Variants in PCNX2 observed in about 807,000 individuals in gnomAD.
PCNX2 encodes the protein pecanex 2.
Under a neutral mutation model 223.8 loss-of-function variants are expected in PCNX2, and 168 were observed. That is an observed-to-expected ratio of 0.75 (90% CI 0.66 to 0.85). The LOEUF is 0.85. Ranked by LOEUF, PCNX2 falls within the 40% of genes least tolerant of loss-of-function variation. The pLI is 0.00. For missense variants in PCNX2, 2,507 were observed against 2,675.5 expected (o/e 0.94, Z 1.39); for synonymous variants, 1,006 against 1,052.6 (o/e 0.96, Z 0.86).
At chr1:233,283,002 T>C (rs1159903507) in intron 1 of PCNX2, among the ~76,000 whole-genome samples, 1 of 146,432 alleles carries the variant, frequency 6.8e-6, no homozygotes, top group African/African-American at 2.5e-5. Flanking sequence ...TGGCAGTACA[T>C]TACTGGTGAT....
At chr1:233,202,241 A>C (rs1681163314) in intron 13 of PCNX2, 1 of 466,904 alleles carries the variant, frequency 2.1e-6, no homozygotes, top group South Asian at 1.6e-5. Context: ...GTGGCTGTTC[A>C]TAATTTTCCC....
At position 233,054,357 on chromosome 1, in the gene PCNX2, A is replaced by C; in HGVS notation, c.4262T>G (p.Leu1421Trp). 1 of 1,613,956 alleles carries C rather than the reference A, an allele frequency of 6.2e-7. No homozygotes were observed. Among genetic ancestry groups the C allele is most frequent in the Non-Finnish European group, 8.5e-7 (1 of 1,179,860 alleles). The change falls in exon 25 of 34, where the codon TTG becomes TGG. Residue 1421 changes from leucine to tryptophan, a missense_variant. Physicochemically the swap from Leu to Trp is moderately conservative, Grantham distance 61 (BLOSUM62 -2). This residue lies in a region of PCNX2 where 1,372 missense variants were observed against 1,509.4 expected (regional missense o/e 0.91). Transcript: ENST00000258229. ...AAAGGCATTGAGGTCATCTGAAGCCAAAATAAAGCAATCGCCAGAGCTGTA... is the reference window on the plus strand; with the variant it reads ...AAAGGCATTGAGGTCATCTGAAGCCCAAATAAAGCAATCGCCAGAGCTGTA... ...GNYSSGDCFI[L>W]ASDDLNAFVH...
chr1:233,169,308 G>A lies in PCNX2; in HGVS notation c.3274-7945C>T, dbSNP rs145914627. 6.4e-3 allele frequency among the ~76,000 whole-genome samples: 976 copies of A among 152,082 alleles called. 6 individuals are homozygous for A. The highest frequency in any genetic ancestry group is 0.031 in the Middle Eastern group (9 of 294). On this transcript the variant is annotated intron_variant, in intron 17 of 33. Coordinates refer to ENST00000258229, the MANE Select transcript of PCNX2 (RefSeq NM_014801.4). ...CTCTGTATATTTTGGATAAATATTT[G>A]ATTTTATTTAATATATTTTTTGAAA...
intron 19 of PCNX2, among the ~76,000 whole-genome samples, chr1:233,141,375 T>C (rs1677100546): frequency 6.6e-6 from 1 of 152,158 alleles, no homozygotes; most frequent in Non-Finnish European, 1.5e-5. Flanking sequence ...TGATTAAAAA[T>C]ATGAAGAGAG....
chr1:233,270,202 C>T (rs1007276825), intron 1 of PCNX2, among the ~76,000 whole-genome samples: 24 of 152,230 alleles, frequency 1.6e-4, no homozygotes, highest in Admixed American at 1.4e-3. Context: ...AAAAAAAGCA[C>T]ATGACAGAGA....
At chr1:233,261,501 G>A (rs1200122591) in intron 3 of PCNX2, among the ~76,000 whole-genome samples, 180 bp from the exon 4 acceptor site, 2 of 152,140 alleles carry the variant, frequency 1.3e-5, no homozygotes, top group East Asian at 3.9e-4. Context: ...ACAAACATAT[G>A]TAAATGTGGA....
At chr1:233,286,228 G>A (rs561399978) in intron 1 of PCNX2, among the ~76,000 whole-genome samples, 11 of 152,154 alleles carry the variant, frequency 7.2e-5, no homozygotes, top group East Asian at 1.9e-4. Context: ...GAAGAGAAGC[G>A]CTTCAGTGGG....
At chr1:233,109,050 C>G (rs540736149) in intron 21 of PCNX2, among the ~76,000 whole-genome samples, 1 of 152,258 alleles carries the variant, frequency 6.6e-6, no homozygotes, top group African/African-American at 2.4e-5. Context: ...CACTCTCCAA[C>G]CTGAACACAA....
chr1:233,067,869 G>A (rs1278438713), intron 23 of PCNX2, among the ~76,000 whole-genome samples: 1 of 152,056 alleles, frequency 6.6e-6, no homozygotes, highest in East Asian at 1.9e-4. Flanking sequence ...ACTGCTGTCT[G>A]CAATCTGAAC....
intron 28 of PCNX2, among the ~76,000 whole-genome samples, chr1:233,012,663 T>C (rs974013652): frequency 1.3e-5 from 2 of 151,994 alleles, no homozygotes; most frequent in Non-Finnish European, 2.9e-5. Context: ...AAGCAGCTGG[T>C]AAGCATGGTG....
At chr1:233,110,663 T>C (rs1675062667) in intron 21 of PCNX2, among the ~76,000 whole-genome samples, 1 of 152,016 alleles carries the variant, frequency 6.6e-6, no homozygotes, top group African/African-American at 2.4e-5. Context: ...AATTTTCCTC[T>C]AAAGCAAGAA....
At chr1:233,020,161 C>A (rs975643459) in intron 26 of PCNX2, among the ~76,000 whole-genome samples, 4 of 152,264 alleles carry the variant, frequency 2.6e-5, no homozygotes, top group Admixed American at 2.0e-4. Context: ...GAGGTTAACA[C>A]TTCCTCCTCT....
At chr1:233,129,132 T>C (rs151135377) in intron 21 of PCNX2, among the ~76,000 whole-genome samples, 5,622 of 136,294 alleles carry the variant, frequency 0.041, 120 homozygotes, top group African/African-American at 0.082. Context: ...GGGAGAGGCG[T>C]GGGCGGGAAC....
intron 19 of PCNX2, among the ~76,000 whole-genome samples, chr1:233,159,309 ACT>A (rs1158913882): frequency 6.6e-6 from 1 of 151,886 alleles, no homozygotes; most frequent in Non-Finnish European, 1.5e-5. Flanking sequence ...ATCTTCAGTG[ACT>A]CTTGCATATT....
intron 1 of PCNX2, chr1:233,290,845 G>A: frequency 1.0e-6 from 1 of 985,444 alleles, no homozygotes; most frequent in Non-Finnish European, 1.2e-6. Context: ...TAGAACGAAA[G>A]ACAGGCTTTC....
At chr1:233,280,926 G>A (rs1312594667) in intron 1 of PCNX2, among the ~76,000 whole-genome samples, 1 of 151,894 alleles carries the variant, frequency 6.6e-6, no homozygotes, top group Non-Finnish European at 1.5e-5. Flanking sequence ...TAATACACTG[G>A]CACATAAAAA....
intron 23 of PCNX2, among the ~76,000 whole-genome samples, chr1:233,076,028 T>C (rs1444273342): frequency 6.6e-6 from 1 of 152,186 alleles, no homozygotes; most frequent in Non-Finnish European, 1.5e-5. Flanking sequence ...TTGCTTGCTG[T>C]TGGGCAAAAA....
chr1:233,136,594 G>C (rs1676814986), intron 20 of PCNX2, among the ~76,000 whole-genome samples: 2 of 152,154 alleles, frequency 1.3e-5, no homozygotes, highest in South Asian at 4.1e-4. Flanking sequence ...CATCACATGG[G>C]AAAGTCTGTC....
intron 26 of PCNX2, among the ~76,000 whole-genome samples, chr1:233,024,528 G>A (rs1293011436): frequency 2.6e-5 from 4 of 152,194 alleles, no homozygotes; most frequent in African/African-American, 2.4e-5. Context: ...CAGCCCGGAT[G>A]AACACTACAC....
Sources: allele counts gnomAD v4.1 joint callset (sites outside exome capture counted in the v4.1 genomes callset), GRCh38; gene constraint gnomAD v4.1.1; regional missense constraint gnomAD v4.1.1; transcripts MANE v1.5; gene names NCBI Gene and HGNC (gene_info 2026-07-23, HGNC 2026-07-21).